The following NPAS3 variants were observed in gnomAD, a reference collection of about 807,000 sequenced individuals.
NPAS3 encodes the protein neuronal PAS domain-containing protein 3.
A neutral mutation model predicts 73.1 loss-of-function variants in NPAS3; 14 were observed. The ratio of observed to expected loss-of-function variants is 0.19; its 90% CI spans 0.13 to 0.30. NPAS3 has a LOEUF of 0.30. Ranked by LOEUF, NPAS3 falls within the 10% of genes least tolerant of loss-of-function variation. The pLI, the probability that NPAS3 is intolerant of heterozygous loss-of-function variation, is 1.00. For synonymous variants in NPAS3, 620 were observed against 541.5 expected (o/e 1.14, Z -2.01); for missense variants, 1,096 against 1,250.0 (o/e 0.88, Z 1.86).
chr14:33,550,778 GC>G (rs1332712142), intron 4 of NPAS3, among the ~76,000 whole-genome samples: 3 of 152,182 alleles, frequency 2.0e-5, no homozygotes, highest in Non-Finnish European at 4.4e-5. Context: ...TTCATATGAA[GC>G]TAAATTCTGG....
At chr14:33,209,199 C>G (rs2046940097) in intron 2 of NPAS3, among the ~76,000 whole-genome samples, 1 of 151,918 alleles carries the variant, frequency 6.6e-6, no homozygotes. Context: ...ATAATCCTAC[C>G]AGATAATAGT....
At chr14:33,340,267 G>A (rs983063838) in intron 3 of NPAS3, among the ~76,000 whole-genome samples, 1 of 152,218 alleles carries the variant, frequency 6.6e-6, no homozygotes, top group African/African-American at 2.4e-5. Flanking sequence ...GGCCGAGGCA[G>A]GTGGATCACC....
chr14:33,020,046 A>G (rs764043094), intron 1 of NPAS3, among the ~76,000 whole-genome samples: 1 of 152,228 alleles, frequency 6.6e-6, no homozygotes, highest in Non-Finnish European at 1.5e-5. Flanking sequence ...ACAAATATTT[A>G]TATACCTTGA....
chr14:33,307,072 G>A (rs2042782376), intron 3 of NPAS3, among the ~76,000 whole-genome samples: 1 of 152,126 alleles, frequency 6.6e-6, no homozygotes, highest in Non-Finnish European at 1.5e-5. Context: ...GGCTTTTTGA[G>A]GTGTAACTCC....
chr14:33,199,435 A>G (rs2046525681), intron 2 of NPAS3, among the ~76,000 whole-genome samples: 1 of 152,188 alleles, frequency 6.6e-6, no homozygotes, highest in South Asian at 2.1e-4. Context: ...CAGGATTTTC[A>G]GTGACTCGGC....
chr14:33,177,102 T>TTATTATTATTAG (rs1342195960), intron 2 of NPAS3, among the ~76,000 whole-genome samples: 4 of 145,976 alleles, frequency 2.7e-5, no homozygotes, highest in Admixed American at 6.8e-5. Context: ...ATTATTATTA[T>TTATTATTATTAG]TATTATTATC....
intron 3 of NPAS3, among the ~76,000 whole-genome samples, chr14:33,357,289 A>G (rs916712711): frequency 1.3e-5 from 2 of 152,224 alleles, no homozygotes; most frequent in African/African-American, 2.4e-5. Context: ...ACCAATGCCA[A>G]TTACTGCTGG....
chr14:33,567,765 C>T (rs1041721721), intron 5 of NPAS3, among the ~76,000 whole-genome samples: 1 of 152,202 alleles, frequency 6.6e-6, no homozygotes, highest in Non-Finnish European at 1.5e-5. Flanking sequence ...TCTCCTCATG[C>T]TTTCATCAGT....
At chr14:33,160,578 C>T (rs1051320645) in intron 2 of NPAS3, among the ~76,000 whole-genome samples, 4 of 149,292 alleles carry the variant, frequency 2.7e-5, no homozygotes, top group African/African-American at 5.0e-5. Context: ...CAACATGGCA[C>T]ATGTATACAT....
intron 3 of NPAS3, among the ~76,000 whole-genome samples, chr14:33,325,082 A>G (rs538985331): frequency 8.5e-5 from 13 of 152,160 alleles, no homozygotes; most frequent in Non-Finnish European, 1.5e-4. Context: ...ACTTTCAACT[A>G]TATACTGGTA....
At chr14:33,746,021 A>T (rs946348956) in intron 7 of NPAS3, among the ~76,000 whole-genome samples, 1 of 152,112 alleles carries the variant, frequency 6.6e-6, no homozygotes, top group African/African-American at 2.4e-5. Flanking sequence ...ATAGCCCGTA[A>T]GTCTCCATTG....
At chr14:33,117,932 C>T (rs1322743653) in intron 2 of NPAS3, among the ~76,000 whole-genome samples, 2 of 152,044 alleles carry the variant, frequency 1.3e-5, no homozygotes, top group African/African-American at 4.8e-5. Context: ...AATTTATTCT[C>T]TCACTACAAT....
At chr14:33,235,311 G>A (rs1040966909) in intron 3 of NPAS3, among the ~76,000 whole-genome samples, 1 of 152,052 alleles carries the variant, frequency 6.6e-6, no homozygotes, top group Non-Finnish European at 1.5e-5. Flanking sequence ...GTATAAATGA[G>A]GAGTGAGAAT....
intron 4 of NPAS3, among the ~76,000 whole-genome samples, chr14:33,462,395 T>C (rs74364513): frequency 0.016 from 2,509 of 152,226 alleles, 116 homozygotes; most frequent in East Asian, 0.15. Context: ...GGTGGGACCA[T>C]GTAACTAGTT....
intron 9 of NPAS3, among the ~76,000 whole-genome samples, chr14:33,784,721 TTTTATTTATTTATTTA>T (rs1555333477): frequency 1.2e-3 from 123 of 103,988 alleles, no homozygotes; most frequent in African/African-American, 2.3e-3. Flanking sequence ...TTATTGTTAT[TTTTATTTATTTATTTA>T]TTTATTTATT....
chr14:33,787,214 C>A (rs982291493), intron 9 of NPAS3, among the ~76,000 whole-genome samples: 9 of 152,132 alleles, frequency 5.9e-5, no homozygotes, highest in Non-Finnish European at 2.9e-5. Flanking sequence ...TATTTTGATT[C>A]TCCTTGTCCT....
chr14:33,164,935 T>C lies in NPAS3; in HGVS notation c.141-50247T>C, dbSNP rs74912516. 6.0e-3 allele frequency among the ~76,000 whole-genome samples: 907 copies of C among 152,240 alleles called. 7 individuals carry two copies. The highest frequency in any genetic ancestry group is 0.021 in the African/African-American group (874 of 41,528). The stretch of plus-strand genomic sequence containing the variant: ...ATTTCCCTTTTCATGGTTATCCCAT[T>C]ATGAATTTAATAGGACTTTTTGGTA... On this transcript the variant is annotated intron_variant, in intron 2 of 11. Transcript: ENST00000356141.
rs546288390 is a variant in NPAS3, at chr14:33,517,861, C to A, written c.469-42260C>A. On this transcript the variant is annotated intron_variant, in intron 4 of 11. Coordinates refer to ENST00000356141, the Ensembl canonical transcript of NPAS3. ...TTTTCATTTCTAGCATATAGCACAG[C>A]ACCTGGCATGCAATAGGTGCTCAGT... Among the ~76,000 whole-genome samples, 50 of 152,196 alleles carry A rather than the reference C, an allele frequency of 3.3e-4. 1 individual carries two copies. In the South Asian group the frequency reaches 0.01, roughly 31 times the overall value.
At chr14:33,670,691 C>T (rs1198003324) in intron 5 of NPAS3, among the ~76,000 whole-genome samples, 1 of 151,754 alleles carries the variant, frequency 6.6e-6, no homozygotes, top group Non-Finnish European at 1.5e-5. Flanking sequence ...GATCCTGGCT[C>T]AGGATTTTCT....
Sources: gnomAD v4.1 joint callset for allele counts (sites outside exome capture counted in the v4.1 genomes callset) on GRCh38, gnomAD v4.1.1 for gene constraint, MANE v1.5 for transcripts, NCBI Gene and HGNC (gene_info 2026-07-23, HGNC 2026-07-21) for gene names.